The following ABI3 variants were observed in gnomAD, a reference collection of about 807,000 sequenced individuals.
ABI3 encodes the protein ABI family member 3.
ABI3 carries 24 observed loss-of-function variants against 37.0 expected under a neutral mutation model. The ratio of observed to expected loss-of-function variants is 0.65; its 90% CI spans 0.47 to 0.91. The LOEUF (loss-of-function observed/expected upper bound fraction) is 0.91. Among genes scored for constraint, ABI3 ranks in the 40% least tolerant of loss-of-function variants. ABI3 has a pLI of 0.00. For synonymous variants in ABI3, 220 were observed against 211.8 expected, an observed-to-expected ratio of 1.04 and a Z score of -0.34; for missense variants, 481 against 485.1, an observed-to-expected ratio of 0.99 and a Z score of 0.08.
chr17:49,222,776 C>A lies in ABI3; in HGVS notation c.*61C>A. ...TGAGTGGGTTTCATGAGCCCCAAGC[C>A]AAAACCAGCTCCAGTCACAGCTGGA... On this transcript the variant is annotated 3_prime_UTR_variant, in exon 8 of 8. Transcript: ENST00000225941. 1.3e-6 allele frequency: 2 copies of A among 1,501,010 alleles called. No individual in the cohort carries two copies. The highest frequency in any genetic ancestry group is 1.8e-6 in the Non-Finnish European group (2 of 1,118,760). 93.0% of individuals were successfully genotyped at this position (1,501,010 alleles called of 1,614,324 possible). A position where few individuals can be genotyped will look rare whatever the true frequency, so the allele number is the denominator to read the frequency against.
chr17:49,210,885 G>T lies in ABI3; in HGVS notation c.117+44G>T. The T allele has an allele frequency of 6.6e-7, 1 of 1,503,974 alleles. No homozygotes were observed. The highest frequency in any genetic ancestry group is 9.0e-7 in the Non-Finnish European group (1 of 1,108,208). 93.2% of individuals were successfully genotyped at this position (1,503,974 alleles called of 1,614,324 possible). A position where few individuals can be genotyped will look rare whatever the true frequency, so the allele number is the denominator to read the frequency against. Reference sequence around the variant, plus strand: ...AGCCTGACACCCCAGCCCCCGGAGGGGGGACCCTGAGCCCTGCCCCAAGTG... The same window carrying T: ...AGCCTGACACCCCAGCCCCCGGAGGTGGGACCCTGAGCCCTGCCCCAAGTG... On this transcript the variant is annotated intron_variant, in intron 1 of 7. Coordinates refer to ENST00000225941, the MANE Select transcript of ABI3 (RefSeq NM_016428.3). This position sits in a 1 kb window ranked among gnomAD's most constrained non-coding sequence, Gnocchi z 4.2.
At position 49,219,733 on chromosome 17, in the gene ABI3, C is replaced by A; in HGVS notation, c.548+108C>A. On this transcript the variant is annotated intron_variant, in intron 4 of 7. Coordinates refer to ENST00000225941, the MANE Select transcript of ABI3 (RefSeq NM_016428.3). This position sits in a 1 kb window ranked among gnomAD's most constrained non-coding sequence, Gnocchi z 4.3. ...CCCTGGCGCCCCCGGGTGCTCAGGC[C>A]GTCATGCTGGATGCCTGGCGCCAAA... The A allele has an allele frequency of 7.1e-7, 1 of 1,412,990 alleles. No homozygotes were observed. Among genetic ancestry groups the A allele is most frequent in the Non-Finnish European group, 9.7e-7 (1 of 1,031,386 alleles). 87.5% of individuals were successfully genotyped at this position (1,412,990 alleles called of 1,614,324 possible). A position where few individuals can be genotyped will look rare whatever the true frequency, so the allele number is the denominator to read the frequency against.
At chr17:49,217,316 A>G (rs572731315) in intron 2 of ABI3, among the ~76,000 whole-genome samples, 134 of 152,120 alleles carry the variant, frequency 8.8e-4, no homozygotes, top group African/African-American at 3.0e-3. Flanking sequence ...GGCTTTCTCC[A>G]TGGAACATTC....
intron 3 of ABI3, 58 bp downstream of exon 3, chr17:49,217,973 C>T (rs964005658): frequency 1.4e-6 from 2 of 1,454,070 alleles, no homozygotes; most frequent in African/African-American, 2.9e-5. Context: ...CTTGTGGCCC[C>T]TTTCCCTCCA....
intron 7 of ABI3, 38 bp downstream of exon 7, chr17:49,222,263 C>G (rs2043299304): frequency 6.2e-7 from 1 of 1,601,034 alleles, no homozygotes; most frequent in African/African-American, 1.3e-5. Flanking sequence ...CCGGATCCCA[C>G]TTCCTCTGTT....
chr17:49,215,152 G>C (rs2143518932), intron 1 of ABI3, among the ~76,000 whole-genome samples: 1 of 152,290 alleles, frequency 6.6e-6, no homozygotes, highest in Non-Finnish European at 1.5e-5. Context: ...CTGCTAATAA[G>C]GATTCTGAAA....
chr17:49,222,121 C>T lies in ABI3; in HGVS notation c.833C>T (p.Pro278Leu). The change falls in exon 7 of 8, where the codon CCT becomes CTT. Residue 278 changes from proline (P) to leucine (L), a missense_variant. Pro to Leu is a moderately conservative substitution (Grantham distance 98, BLOSUM62 -3). Coordinates refer to ENST00000225941, the MANE Select transcript of ABI3 (RefSeq NM_016428.3). ...DEELPLPLDL[P>L]PPPPLDGDEL... ...GAGCTGCCCCTGCCACTGGACCTGC[C>T]TCCTCCTCCACCCCTGGATGGAGAT... 1 of 1,612,394 alleles carries T rather than the reference C, an allele frequency of 6.2e-7. No individual in the cohort carries two copies. Among genetic ancestry groups the T allele is most frequent in the Non-Finnish European group, 8.5e-7 (1 of 1,179,212 alleles).
At chr17:49,216,775 CA>C in intron 2 of ABI3, 77 bp downstream of exon 2, 15 of 1,326,940 alleles carry the variant, frequency 1.1e-5, no homozygotes, top group Non-Finnish European at 1.5e-5. Flanking sequence ...TTTTCTACAT[CA>C]AAAGTTCCTT....
Position 49,222,610 on chromosome 17 carries a change from C to A in ABI3, c.996C>A (p.Gly332=). ...ACAATGAGCTCTCCTTCTCTGAGGGCACTGTCATCTGTGTCACTCGCCGCT... is the reference window on the plus strand; with the variant it reads ...ACAATGAGCTCTCCTTCTCTGAGGGAACTGTCATCTGTGTCACTCGCCGCT... ...QKDNELSFSE[G]TVICVTRRYS... Residue 332 remains glycine (G), a synonymous_variant, in exon 8 of 8, where the codon GGC becomes GGA. Coordinates refer to ENST00000225941, the MANE Select transcript of ABI3 (RefSeq NM_016428.3). 1 of 1,614,052 alleles carries A rather than the reference C, an allele frequency of 6.2e-7. No homozygotes were observed. The highest frequency in any genetic ancestry group is 8.5e-7 in the Non-Finnish European group (1 of 1,180,016).
At position 49,219,862 on chromosome 17, in the gene ABI3, C is replaced by A. The variant is rs1253926019; in HGVS notation, c.553C>A (p.Pro185Thr). Residue 185 changes from proline (P) to threonine (T), a missense_variant, in exon 5 of 8, where the codon CCA becomes ACA. Pro to Thr is a conservative substitution (Grantham distance 38). Transcript: ENST00000225941. This position sits in a 1 kb window ranked among gnomAD's most constrained non-coding sequence, Gnocchi z 4.3. ...CCACTCCCTGCCCCCCGCCAGGAGA[C>A]CACCCCGGATTCCCGAGCCAGTGCA... ...ATPASATLGR[P>T]PRIPEPVHLP... is the part of the protein sequence containing the mutation. The A allele has an allele frequency of 1.3e-6, 2 of 1,543,578 alleles. No individual in the cohort carries two copies. Among genetic ancestry groups the A allele is most frequent in the Non-Finnish European group, 1.7e-6 (2 of 1,149,592 alleles).
Position 49,219,743 on chromosome 17 carries a change from G to T in ABI3, c.549-115G>T. On this transcript the variant is annotated intron_variant, in intron 4 of 7. Coordinates refer to ENST00000225941, the MANE Select transcript of ABI3 (RefSeq NM_016428.3). The surrounding 1 kb of genome is among the most constrained non-coding windows in gnomAD (Gnocchi z 4.3). ...CCCGGGTGCTCAGGCCGTCATGCTG[G>T]ATGCCTGGCGCCAAACCTCCCCCTC... 1.1e-5 allele frequency: 16 copies of T among 1,408,266 alleles called. No individual in the cohort carries two copies. Among genetic ancestry groups the T allele is most frequent in the Non-Finnish European group, 1.5e-5 (15 of 1,028,290 alleles). 87.2% of individuals were successfully genotyped at this position (1,408,266 alleles called of 1,614,324 possible). A position where few individuals can be genotyped will look rare whatever the true frequency, so the allele number is the denominator to read the frequency against.
In ABI3 at chr17:49,222,320, C is replaced by T. The variant is rs1006058679; in HGVS notation, c.937+95C>T. 4 of 1,487,628 alleles carry T rather than the reference C, an allele frequency of 2.7e-6. No homozygotes were observed. The African/African-American group carries it at 5.6e-5, about 21-fold the overall frequency. The allele number at this position is 1,487,628 out of a possible 1,614,324, so 92.2% of individuals were successfully genotyped here. The stretch of plus-strand genomic sequence containing the variant: ...CCTCTGCAAAGGTGTGAATCTATCC[C>T]CCGGGCCCCCCACACAATTTTTCTG... On this transcript the variant is annotated intron_variant, in intron 7 of 7. Coordinates refer to ENST00000225941, the MANE Select transcript of ABI3 (RefSeq NM_016428.3).
Position 49,219,548 on chromosome 17 carries a change from C to T in ABI3, c.471C>T (p.Ser157=). The stretch of plus-strand genomic sequence containing the variant: ...CTCCCGCTCCCTCGCAGGACCTCAG[C>T]ACGCAGCTGTCAAGAACAGGCACCC... ...DDIGHGIKDL[S]TQLSRTGTLS... The change falls in exon 4 of 8, where the codon AGC becomes AGT. Residue 157 remains serine, a synonymous_variant. Coordinates refer to ENST00000225941, the MANE Select transcript of ABI3 (RefSeq NM_016428.3). This position sits in a 1 kb window ranked among gnomAD's most constrained non-coding sequence, Gnocchi z 4.3. 6.2e-7 allele frequency: 1 copy of T among 1,603,536 alleles called. No individual in the cohort carries two copies. Among genetic ancestry groups the T allele is most frequent in the Non-Finnish European group, 8.5e-7 (1 of 1,175,382 alleles).
intron 7 of ABI3, 63 bp from the exon 8 acceptor site, chr17:49,222,488 TG>T: frequency 2.5e-6 from 4 of 1,569,658 alleles, no homozygotes; most frequent in Non-Finnish European, 2.6e-6. Context: ...CCCATGGTGG[TG>T]GGGGGTGAGG....
In ABI3 at chr17:49,219,436, T is replaced by C. The variant is rs2043254936; in HGVS notation, c.463-104T>C. Reference sequence around the variant, plus strand: ...AGTGGGAACTGGCTATGCCGGGCTCTCCCTCCCGGTTCCCGTCCGCCCCTC... The same window carrying C: ...AGTGGGAACTGGCTATGCCGGGCTCCCCCTCCCGGTTCCCGTCCGCCCCTC... On this transcript the variant is annotated intron_variant, in intron 3 of 7. Coordinates refer to ENST00000225941, the MANE Select transcript of ABI3 (RefSeq NM_016428.3). The surrounding 1 kb of genome is among the most constrained non-coding windows in gnomAD (Gnocchi z 4.3). 8 of 1,010,910 alleles carry C rather than the reference T, an allele frequency of 7.9e-6. No homozygotes were observed. In the Admixed American group the frequency reaches 1.2e-4, roughly 15 times the overall value. 62.6% of individuals were successfully genotyped at this position (1,010,910 alleles called of 1,614,324 possible).
intron 7 of ABI3, 30 bp downstream of exon 7, chr17:49,222,255 G>C: frequency 6.2e-7 from 1 of 1,604,854 alleles, no homozygotes; most frequent in South Asian, 1.1e-5. Flanking sequence ...GAGGGGCACC[G>C]GATCCCACTT....
chr17:49,212,386 C>A (rs1202100689), intron 1 of ABI3, among the ~76,000 whole-genome samples: 1 of 152,216 alleles, frequency 6.6e-6, no homozygotes, highest in African/African-American at 2.4e-5. Flanking sequence ...GCAGACTAAC[C>A]TTGTTACCCC....
chr17:49,214,410 A>G (rs2043200181), intron 1 of ABI3, among the ~76,000 whole-genome samples: 1 of 152,150 alleles, frequency 6.6e-6, no homozygotes, highest in Admixed American at 6.5e-5. Flanking sequence ...TCTGGGACCA[A>G]CAAAAAAAAA....
rs536432651 is a variant in ABI3, at chr17:49,211,081, ACAGTGCG to A, written c.117+241_117+247del. ...AGAGCCTCAGAGATGCCTGGGACAG[ACAGTGCG>A]ATTCCATCCTGTTCTCAGGTGTCAC... On this transcript the variant is annotated intron_variant, in intron 1 of 7. Coordinates refer to ENST00000225941, the MANE Select transcript of ABI3 (RefSeq NM_016428.3). Among the ~76,000 whole-genome samples, 33 of 152,296 alleles carry A rather than the reference ACAGTGCG, an allele frequency of 2.2e-4. 1 individual carries two copies. The highest frequency in any genetic ancestry group is 1.8e-3 in the Admixed American group (28 of 15,294).
Sources: gnomAD v4.1 joint callset for allele counts (sites outside exome capture counted in the v4.1 genomes callset) on GRCh38, gnomAD v4.1.1 for gene constraint, Gnocchi (gnomAD v3.1) non-coding constraint, MANE v1.5 for transcripts, NCBI Gene and HGNC (gene_info 2026-07-23, HGNC 2026-07-21) for gene names.